The following ADGRB3 variants were observed in gnomAD, a reference collection of about 807,000 sequenced individuals.
The protein encoded by ADGRB3 is brain-specific angiogenesis inhibitor 3.
A neutral mutation model predicts 193.4 loss-of-function variants in ADGRB3; 37 were observed. That is an observed-to-expected ratio of 0.19 (90% CI 0.15 to 0.25). The LOEUF (loss-of-function observed/expected upper bound fraction) is 0.25. ADGRB3 is among the 10% of genes least tolerant of loss of function. The pLI is 1.00. For missense variants in ADGRB3, 1,637 were observed against 1,852.9 expected, an observed-to-expected ratio of 0.88 and a Z score of 2.14; for synonymous variants, 690 against 644.2, an observed-to-expected ratio of 1.07 and a Z score of -1.08.
intron 16 of ADGRB3, among the ~76,000 whole-genome samples, chr6:69,067,150 C>G (rs1426611849): frequency 6.6e-6 from 1 of 152,034 alleles, no homozygotes; most frequent in South Asian, 2.1e-4. Flanking sequence ...GCAGTCTCAT[C>G]TTGGCTTTTA....
intron 3 of ADGRB3, among the ~76,000 whole-genome samples, chr6:68,902,274 A>G (rs1212898239): frequency 6.6e-6 from 1 of 152,164 alleles, no homozygotes; most frequent in Non-Finnish European, 1.5e-5. Flanking sequence ...TAAAAGTTGT[A>G]CTAACAATAG....
intron 16 of ADGRB3, among the ~76,000 whole-genome samples, chr6:69,069,100 A>C (rs1771995402): frequency 6.6e-6 from 1 of 152,178 alleles, no homozygotes; most frequent in African/African-American, 2.4e-5. Context: ...TCCCTTAAAA[A>C]CTGAACATAA....
rs976876386 is a variant in ADGRB3, at chr6:69,150,399, C to A, written c.2480+74361C>A. Among the ~76,000 whole-genome samples, 3 of 152,168 alleles carry A rather than the reference C, an allele frequency of 2.0e-5. No homozygotes were observed. The South Asian group carries it at 6.2e-4, about 31-fold the overall frequency. On this transcript the variant is annotated intron_variant, in intron 17 of 31. Coordinates refer to ENST00000370598, the MANE Select transcript of ADGRB3 (RefSeq NM_001704.3). ...CCCCACAAACACCACTGCCACAGGC[C>A]CACAGAGAGTAATTCCAGTCTACTG...
chr6:69,130,595 C>T (rs1022428962), intron 17 of ADGRB3, among the ~76,000 whole-genome samples: 1 of 150,280 alleles, frequency 6.7e-6, no homozygotes, highest in Non-Finnish European at 1.5e-5. Flanking sequence ...GACTGGGCTC[C>T]TTTTTTTTCC....
At chr6:68,813,141 A>G (rs1201937028) in intron 3 of ADGRB3, among the ~76,000 whole-genome samples, 1 of 152,086 alleles carries the variant, frequency 6.6e-6, no homozygotes, top group Non-Finnish European at 1.5e-5. Flanking sequence ...GTGATAGTAA[A>G]TAAGTCTCAC....
At chr6:69,024,146 C>T (rs376784197) in intron 13 of ADGRB3, among the ~76,000 whole-genome samples, 2 of 151,878 alleles carry the variant, frequency 1.3e-5, no homozygotes, top group Admixed American at 6.6e-5. Flanking sequence ...GTGATATCTA[C>T]GTTAAAAACA....
intron 17 of ADGRB3, among the ~76,000 whole-genome samples, chr6:69,115,304 A>G (rs895769641): frequency 6.6e-6 from 1 of 152,252 alleles, no homozygotes; most frequent in Non-Finnish European, 1.5e-5. Flanking sequence ...AGGTACATGG[A>G]TGAAGCTGGA....
At chr6:69,251,333 C>G (rs57068560) in intron 20 of ADGRB3, among the ~76,000 whole-genome samples, 1 of 152,124 alleles carries the variant, frequency 6.6e-6, no homozygotes, top group South Asian at 2.1e-4. Context: ...AATGAGCACT[C>G]TCATGGTTTT....
chr6:69,156,718 A>G (rs1471723700), intron 17 of ADGRB3, among the ~76,000 whole-genome samples: 24 of 152,212 alleles, frequency 1.6e-4, no homozygotes, highest in Admixed American at 1.6e-3. Context: ...ATGAAAACAG[A>G]AAATCCAATG....
rs115088637 is a variant in ADGRB3, at chr6:68,737,168, C to T, written c.757+97736C>T. Among the ~76,000 whole-genome samples the T allele has an allele frequency of 4.2e-3, 644 of 152,124 alleles. 6 individuals carry two copies. Among genetic ancestry groups the T allele is most frequent in the African/African-American group, 0.012 (499 of 41,512 alleles). On this transcript the variant is annotated intron_variant, in intron 3 of 31. Coordinates refer to ENST00000370598, the MANE Select transcript of ADGRB3 (RefSeq NM_001704.3). Reference sequence around the variant, plus strand: ...ATATGCATCTTAGATTATTATTGCTCATCAGTGGAGTTACTGTATTAAGAG... The same window carrying T: ...ATATGCATCTTAGATTATTATTGCTTATCAGTGGAGTTACTGTATTAAGAG...
intron 3 of ADGRB3, among the ~76,000 whole-genome samples, chr6:68,896,404 T>A (rs528649069): frequency 7.7e-4 from 117 of 152,226 alleles, no homozygotes; most frequent in South Asian, 7.7e-3. Context: ...CTATTCTCAG[T>A]TATTATTTTT....
intron 3 of ADGRB3, among the ~76,000 whole-genome samples, chr6:68,829,517 T>C (rs1767914822): frequency 6.6e-6 from 1 of 152,240 alleles, no homozygotes; most frequent in African/African-American, 2.4e-5. Flanking sequence ...AATTTTCTGA[T>C]ACAAAGTCAA....
chr6:68,840,534 C>T (rs926743379), intron 3 of ADGRB3, among the ~76,000 whole-genome samples: 3 of 151,660 alleles, frequency 2.0e-5, no homozygotes, highest in African/African-American at 7.3e-5. Context: ...GTAGCTCGGA[C>T]AGCCTGCCCC....
chr6:68,900,886 CA>C (rs1766376913), intron 3 of ADGRB3, among the ~76,000 whole-genome samples: 1 of 152,066 alleles, frequency 6.6e-6, no homozygotes, highest in African/African-American at 2.4e-5. Flanking sequence ...AATGCTTCTG[CA>C]AAAACTATCA....
At chr6:69,019,798 C>T (rs942567197) in intron 13 of ADGRB3, among the ~76,000 whole-genome samples, 3 of 151,894 alleles carry the variant, frequency 2.0e-5, no homozygotes, top group East Asian at 1.9e-4. Flanking sequence ...GGAAGCTGTA[C>T]CTTCTTATGG....
intron 22 of ADGRB3, among the ~76,000 whole-genome samples, chr6:69,329,143 A>G (rs1768651263): frequency 1.3e-5 from 2 of 152,096 alleles, no homozygotes; most frequent in South Asian, 4.1e-4. Context: ...TTTGAAGATT[A>G]GTTTACATAA....
intron 3 of ADGRB3, among the ~76,000 whole-genome samples, chr6:68,890,165 T>A (rs1562073412): frequency 6.6e-6 from 1 of 152,174 alleles, no homozygotes; most frequent in Non-Finnish European, 1.5e-5. Flanking sequence ...GCATCAAAGA[T>A]GTTATCTTAT....
intron 3 of ADGRB3, among the ~76,000 whole-genome samples, chr6:68,866,207 C>T (rs1765294117): frequency 6.6e-6 from 1 of 152,264 alleles, no homozygotes; most frequent in South Asian, 2.1e-4. Context: ...TAGGGAGGGA[C>T]CTGGTAGGAG....
intron 17 of ADGRB3, among the ~76,000 whole-genome samples, chr6:69,117,195 T>A (rs949194831): frequency 6.6e-6 from 1 of 152,240 alleles, no homozygotes; most frequent in African/African-American, 2.4e-5. Context: ...ACAGATATAA[T>A]ATAGTTACAA....
Sources: gnomAD v4.1 joint callset for allele counts (sites outside exome capture counted in the v4.1 genomes callset) on GRCh38, gnomAD v4.1.1 for gene constraint, MANE v1.5 for transcripts, NCBI Gene and HGNC (gene_info 2026-07-23, HGNC 2026-07-21) for gene names.